The following MTFR1L variants were observed in gnomAD, a reference collection of about 807,000 sequenced individuals.
MTFR1L encodes the protein mitochondrial fission regulator 1-like.
In MTFR1L, 10 loss-of-function variants were observed where a neutral mutation model predicts 27.9. That is an observed-to-expected ratio of 0.36 (90% CI 0.22 to 0.61). MTFR1L has a LOEUF of 0.61. Among genes scored for constraint, MTFR1L ranks in the 20% least tolerant of loss-of-function variants. MTFR1L has a pLI of 0.73. For synonymous variants in MTFR1L, 151 were observed against 139.4 expected, an observed-to-expected ratio of 1.08 and a Z score of -0.58; for missense variants, 315 against 363.7, an observed-to-expected ratio of 0.87 and a Z score of 1.09.
intron 6 of MTFR1L, among the ~76,000 whole-genome samples, chr1:25,830,302 A>C (rs1202393249): frequency 3.9e-5 from 6 of 152,208 alleles, no homozygotes; most frequent in Non-Finnish European, 4.4e-5. Context: ...AACCCTGCAC[A>C]TTCAGTGATT....
At chr1:25,823,878 T>C (rs752967709) in intron 3 of MTFR1L, 130 bp downstream of exon 3, 6 of 1,192,034 alleles carry the variant, frequency 5.0e-6, no homozygotes, top group Non-Finnish European at 6.9e-6. Context: ...ATTTGTTAAA[T>C]GCTTATAAGA....
Position 25,826,472 on chromosome 1 carries a change from C to T in MTFR1L, c.239+61C>T. 6 of 1,592,620 alleles carry T rather than the reference C, an allele frequency of 3.8e-6. No homozygotes were observed. The highest frequency in any genetic ancestry group is 5.2e-6 in the Non-Finnish European group (6 of 1,160,660). ...AGAACTTCCCAGAAGAGGTGGCAGG[C>T]AGCAAGGAGAGAGGAATGAGAACTG... On this transcript the variant is annotated intron_variant, in intron 4 of 6. Transcript: ENST00000374303. The surrounding 1 kb of genome is among the most constrained non-coding windows in gnomAD (Gnocchi z 4.1).
rs1423468367 is a variant in MTFR1L, at chr1:25,829,571, C to A, written c.514C>A (p.Pro172Thr). 3.1e-6 allele frequency: 5 copies of A among 1,614,228 alleles called. No homozygotes were observed. The highest frequency in any genetic ancestry group is 4.2e-6 in the Non-Finnish European group (5 of 1,180,034). ...PGSSNVSSPL[P>T]CFGSSFHSTT... ...AAGTTCAAATGTCTCTTCTCCCTTA[C>A]CTTGTTTTGGATCCTCATTCCACTC... Residue 172 changes from proline (P) to threonine (T), a missense_variant, in exon 6 of 7, where the codon CCT (proline) becomes ACT (threonine). Pro to Thr is a conservative substitution (Grantham distance 38). Coordinates refer to ENST00000374303, the MANE Select transcript of MTFR1L (RefSeq NM_001099625.2).
chr1:25,825,987 C>T, intron 3 of MTFR1L: 1 of 304,122 alleles, frequency 3.3e-6, no homozygotes, highest in Non-Finnish European at 6.4e-6. Flanking sequence ...GCGTATACCA[C>T]CATACCCAGA....
In MTFR1L at chr1:25,823,679, T is replaced by C. The variant is rs1294874251; in HGVS notation, c.60T>C (p.Ala20=). The stretch of plus-strand genomic sequence containing the variant: ...TCTGGCAAAACAAGCCACATGGGGC[T>C]GCTCGAAGTGTAGTAAGAAGAATTG... ...IPIWQNKPHG[A]ARSVVRRIGT... is the part of the protein sequence containing the mutation. Residue 20 remains alanine, a synonymous_variant, in exon 3 of 7, where the codon GCT becomes GCC. Transcript: ENST00000374303. The C allele has an allele frequency of 3.7e-6, 6 of 1,613,976 alleles. No homozygotes were observed. Among genetic ancestry groups the C allele is most frequent in the Non-Finnish European group, 4.2e-6 (5 of 1,179,994 alleles).
rs190048702 is a variant in MTFR1L at position 25,832,007 on chromosome 1, T to C, written c.860T>C (p.Ile287Thr). The C allele has an allele frequency of 7.9e-5, 127 of 1,614,168 alleles. 1 individual carries two copies. The East Asian group carries it at 1.2e-3, about 15-fold the overall frequency. The change falls in exon 7 of 7, where the codon ATC becomes ACC. Residue 287 changes from isoleucine (I) to threonine (T), a missense_variant. Ile to Thr is a moderately conservative substitution (Grantham distance 89). Transcript: ENST00000374303. ...AAGTTTGCTCTAAAGGAAGAAGATA[T>C]CAGTAGAAAAGGAAATTGACAACCC... ...RRKFALKEED[I>T]SRKGN
At position 25,832,103 on chromosome 1, in the gene MTFR1L, C is replaced by G. The variant is rs1456804643; in HGVS notation, c.*77C>G. 6.2e-7 allele frequency: 1 copy of G among 1,609,868 alleles called. No individual in the cohort carries two copies. The highest frequency in any genetic ancestry group is 8.5e-7 in the Non-Finnish European group (1 of 1,178,686). On this transcript the variant is annotated 3_prime_UTR_variant, in exon 7 of 7. Coordinates refer to ENST00000374303, the MANE Select transcript of MTFR1L (RefSeq NM_001099625.2). ...GCTGCCTTCCTCACCGCAGATGTTTCTGCCTCTTAAGGATAGATCTTCTGC... is the reference window on the plus strand; with the variant it reads ...GCTGCCTTCCTCACCGCAGATGTTTGTGCCTCTTAAGGATAGATCTTCTGC...
chr1:25,824,676 G>A (rs963870607), intron 3 of MTFR1L, among the ~76,000 whole-genome samples: 1 of 152,052 alleles, frequency 6.6e-6, no homozygotes, highest in African/African-American at 2.4e-5. Flanking sequence ...CAGGGGTAGG[G>A]GGCAGGAAAA....
chr1:25,820,070 C>T (rs2124465084), intron 1 of MTFR1L, 41 bp downstream of exon 1: 1 of 408,138 alleles, frequency 2.5e-6, no homozygotes, highest in South Asian at 1.7e-5. Context: ...GGGAGCGCGA[C>T]CTTCCAGCCC....
chr1:25,825,404 T>A (rs2048155011), intron 3 of MTFR1L, among the ~76,000 whole-genome samples: 1 of 152,148 alleles, frequency 6.6e-6, no homozygotes. Flanking sequence ...ATACAATAAC[T>A]ATTAATGTCT....
rs34173733 is a variant in MTFR1L, at chr1:25,823,711, A to G, written c.92A>G (p.Asn31Ser). ...AGTGTAGTAAGAAGAATTGGGACCA[A>G]CCTACCCTTGAAGCCGTGTGCCCGG... ...ARSVVRRIGTNLPLKPCARAS... is the reference protein window; with the variant it reads ...ARSVVRRIGTSLPLKPCARAS... Residue 31 changes from asparagine to serine, a missense_variant, in exon 3 of 7, where the codon AAC (asparagine) becomes AGC (serine). Transcript: ENST00000374303. 2.4e-3 allele frequency: 3,862 copies of G among 1,613,960 alleles called. 75 individuals are homozygous for G. The African/African-American group carries it at 0.044, about 18-fold the overall frequency.
At chr1:25,820,130 C>T in intron 1 of MTFR1L, 101 bp downstream of exon 1, 2 of 449,978 alleles carry the variant, frequency 4.4e-6, no homozygotes, top group Non-Finnish European at 8.9e-6. Flanking sequence ...CCCGCAGCTC[C>T]TGTTCCCGCG....
rs758863139 is a variant in MTFR1L, at chr1:25,829,747, C to T, written c.690C>T (p.Cys230=). Residue 230 remains cysteine (C), a synonymous_variant, in exon 6 of 7, where the codon TGC becomes TGT. Coordinates refer to ENST00000374303, the MANE Select transcript of MTFR1L (RefSeq NM_001099625.2). ...AACSSSEEDD[C]VSLSKASSFA... ...GCAGTTCGTCTGAAGAGGATGACTG[C>T]GTCTCTTTGTCCAAGGCCAGCAGCT... is the stretch of plus-strand genomic sequence containing the variant. 1.6e-5 allele frequency: 26 copies of T among 1,613,054 alleles called. No homozygotes were observed. In the East Asian group the frequency reaches 4.7e-4, roughly 29 times the overall value.
At chr1:25,830,218 C>CT (rs2048220191) in intron 6 of MTFR1L, among the ~76,000 whole-genome samples, 1 of 152,126 alleles carries the variant, frequency 6.6e-6, no homozygotes, top group African/African-American at 2.4e-5. Flanking sequence ...AATTGGTAGA[C>CT]TTTTTTGGTG....
chr1:25,826,690 C>A lies in MTFR1L; in HGVS notation c.315C>A (p.Pro105=). The change falls in exon 5 of 7, where the codon CCC becomes CCA. Residue 105 remains proline, a synonymous_variant. Coordinates refer to ENST00000374303, the MANE Select transcript of MTFR1L (RefSeq NM_001099625.2). This position sits in a 1 kb window ranked among gnomAD's most constrained non-coding sequence, Gnocchi z 4.1. ...TCATGCAGCGCAATGCCTCTGTTCC[C>A]AACCTGCGTGGGTCCGAGGAGAGGC... ...LIVMQRNASV[P]NLRGSEERLL... 6.2e-7 allele frequency: 1 copy of A among 1,614,196 alleles called. No homozygotes were observed. The highest frequency in any genetic ancestry group is 8.5e-7 in the Non-Finnish European group (1 of 1,180,028).
intron 3 of MTFR1L, 108 bp downstream of exon 3, chr1:25,823,856 C>A: frequency 1.5e-6 from 2 of 1,320,340 alleles, no homozygotes; most frequent in Non-Finnish European, 2.1e-6. Flanking sequence ...ACTTTTCATT[C>A]TGTTATGAAA....
chr1:25,823,286 A>G (rs1360529241), intron 2 of MTFR1L, 158 bp downstream of exon 2: 1 of 797,634 alleles, frequency 1.3e-6, no homozygotes. Flanking sequence ...CCCCCTAAGA[A>G]GAACCAACTA....
chr1:25,820,286 G>A (rs2048069003), intron 1 of MTFR1L: 1 of 455,978 alleles, frequency 2.2e-6, no homozygotes, highest in Non-Finnish European at 4.4e-6. Context: ...CTGCTTGACG[G>A]GCCGGGCTGC....
At chr1:25,830,744 A>G (rs1433558339) in intron 6 of MTFR1L, among the ~76,000 whole-genome samples, 4 of 152,210 alleles carry the variant, frequency 2.6e-5, no homozygotes, top group Non-Finnish European at 5.9e-5. Flanking sequence ...TTAAAGGGAA[A>G]GTTACTTGCC....
Sources: gnomAD v4.1 joint callset for allele counts (sites outside exome capture counted in the v4.1 genomes callset) on GRCh38, gnomAD v4.1.1 for gene constraint, Gnocchi (gnomAD v3.1) non-coding constraint, MANE v1.5 for transcripts, NCBI Gene and HGNC (gene_info 2026-07-23, HGNC 2026-07-21) for gene names.